Variants in CILP observed in about 807,000 individuals in gnomAD.
CILP encodes cartilage intermediate layer protein 1.
Under a neutral mutation model 82.5 loss-of-function variants are expected in CILP, and 75 were observed. The ratio of observed to expected loss-of-function variants is 0.91; its 90% CI spans 0.75 to 1.10. The LOEUF (loss-of-function observed/expected upper bound fraction) is 1.10, where lower values mean the gene tolerates loss of function less well. Among genes scored for constraint, CILP ranks in the 50% least tolerant of loss-of-function variants. CILP has a pLI of 0.00. For missense variants in CILP, 1,479 were observed against 1,530.8 expected (o/e 0.97, Z 0.56); for synonymous variants, 530 against 580.3 (o/e 0.91, Z 1.25).
Position 65,204,244 on chromosome 15 carries a change from C to T in CILP, c.919+24G>A, listed in dbSNP as rs1205570340. On this transcript the variant is annotated intron_variant, in intron 6 of 8. Transcript: ENST00000261883. ...TTAAAAATCTGGACCTTCTCACCAG[C>T]CCTACCCCAAAGAATTTAGTTACCT... The T allele has an allele frequency of 3.7e-6, 6 of 1,605,252 alleles. No homozygotes were observed. The Admixed American group carries it at 1.0e-4, about 28-fold the overall frequency.
At position 65,196,741 on chromosome 15, in the gene CILP, A is replaced by G. The variant is rs1271708261; in HGVS notation, c.3545T>C (p.Leu1182Pro). ...LRFPRVAQQP[L>P]IN ...GAAGTACCACAAAACTTAGTTGATCAGGGGCTGTTGAGCAACTCTAGGAAA... is the reference window on the plus strand; with the variant it reads ...GAAGTACCACAAAACTTAGTTGATCGGGGGCTGTTGAGCAACTCTAGGAAA... Residue 1182 changes from leucine to proline, a missense_variant, in exon 9 of 9, where the codon CTG becomes CCG. Leu to Pro is a moderately conservative substitution (Grantham distance 98, BLOSUM62 -3). Transcript: ENST00000261883. 16 of 1,534,650 alleles carry G rather than the reference A, an allele frequency of 1.0e-5. No individual in the cohort carries two copies. Among genetic ancestry groups the G allele is most frequent in the Non-Finnish European group, 1.3e-5 (15 of 1,137,394 alleles).
intron 2 of CILP, among the ~76,000 whole-genome samples, chr15:65,207,998 A>G (rs2088536945): frequency 6.6e-6 from 1 of 152,218 alleles, no homozygotes; most frequent in South Asian, 2.1e-4. Flanking sequence ...GTCCTGGTGC[A>G]TTATTCAGGT....
In CILP at chr15:65,203,435, C is replaced by G; in HGVS notation, c.955G>C (p.Ala319Pro). Residue 319 changes from alanine to proline, a missense_variant, in exon 7 of 9, where the codon GCA (alanine) becomes CCA (proline). Physicochemically the swap from Ala to Pro is conservative, Grantham distance 27. Coordinates refer to ENST00000261883, the MANE Select transcript of CILP (RefSeq NM_003613.4). ...PYMVMNPETK[A>P]RRAGQSVSLC... ...GACACGCTCTGCCCAGCTCTCCGTG[C>G]TTTTGTCTCAGGGTTCATCACCATG... 1 of 1,612,886 alleles carries G rather than the reference C, an allele frequency of 6.2e-7. No individual in the cohort carries two copies.
intron 1 of CILP, 106 bp from the exon 2 acceptor site, chr15:65,209,967 A>G (rs977081097): frequency 3.7e-6 from 2 of 537,784 alleles, no homozygotes. Flanking sequence ...GGACAGAATG[A>G]TATGAAAGTG....
chr15:65,199,194 C>A (rs2088421293), intron 8 of CILP, 95 bp from the exon 9 acceptor site: 9 of 840,518 alleles, frequency 1.1e-5, no homozygotes, highest in Admixed American at 5.6e-5. Context: ...CTATGGTTTT[C>A]AAAGGACTTG....
At position 65,198,333 on chromosome 15, in the gene CILP, A is replaced by G. The variant is rs773581930; in HGVS notation, c.1953T>C (p.Thr651=). The G allele has an allele frequency of 1.9e-6, 3 of 1,614,208 alleles. No individual in the cohort carries two copies. Among genetic ancestry groups the G allele is most frequent in the South Asian group, 1.1e-5 (1 of 91,076 alleles). ...DLNFINDEGD[T]FPLRTYGMFS... ...ACATGCCATACGTCCGAAGGGGGAA[A>G]GTGTCTCCTTCGTCATTGATGAAGT... Residue 651 remains threonine, a synonymous_variant, in exon 9 of 9, where the codon ACT becomes ACC. Coordinates refer to ENST00000261883, the MANE Select transcript of CILP (RefSeq NM_003613.4).
rs201490617 is a variant in CILP at position 65,198,234 on chromosome 15, C to T, written c.2052G>A (p.Ser684=). 15 of 1,614,104 alleles carry T rather than the reference C, an allele frequency of 9.3e-6. No individual in the cohort carries two copies. Among genetic ancestry groups the T allele is most frequent in the African/African-American group, 1.3e-5 (1 of 74,934 alleles). The change falls in exon 9 of 9, where the codon TCG becomes TCA. Residue 684 remains serine (S), a synonymous_variant. Transcript: ENST00000261883. ...NAGKVKVHLD[S]TQVKMPEHIS... ...TGTGCTCTGGCATCTTGACCTGGGT[C>T]GAGTCAAGGTGGACCTTCACTTTGC...
Position 65,196,736 on chromosome 15 carries a change from T to C in CILP, c.3550A>G (p.Asn1184Asp). The C allele has an allele frequency of 1.3e-6, 2 of 1,525,130 alleles. No homozygotes were observed. Among genetic ancestry groups the C allele is most frequent in the Non-Finnish European group, 1.8e-6 (2 of 1,133,532 alleles). 94.5% of individuals were successfully genotyped at this position (1,525,130 alleles called of 1,614,324 possible). ...AGGGTGAAGTACCACAAAACTTAGTTGATCAGGGGCTGTTGAGCAACTCTA... is the reference window on the plus strand; with the variant it reads ...AGGGTGAAGTACCACAAAACTTAGTCGATCAGGGGCTGTTGAGCAACTCTA... The part of the protein sequence containing the change: ...FPRVAQQPLI[N>D] The change falls in exon 9 of 9, where the codon AAC becomes GAC. Residue 1184 changes from asparagine to aspartate, a missense_variant. Physicochemically the swap from Asn to Asp is conservative, Grantham distance 23. Coordinates refer to ENST00000261883, the MANE Select transcript of CILP (RefSeq NM_003613.4).
chr15:65,196,964 T>G lies in CILP; in HGVS notation c.3322A>C (p.Lys1108Gln). ...GTGAGGGCTACTCCCACATTGCTCT[T>G]CATGATTCTGGAGGAGCCATCGGAT... ...GTSDGSSRIM[K>Q]SNVGVALTFN... is the part of the protein sequence containing the mutation. The change falls in exon 9 of 9, where the codon AAG becomes CAG. Residue 1108 changes from lysine to glutamine, a missense_variant. Physicochemically the swap from Lys to Gln is moderately conservative, Grantham distance 53. Coordinates refer to ENST00000261883, the MANE Select transcript of CILP (RefSeq NM_003613.4). 1 of 1,614,034 alleles carries G rather than the reference T, an allele frequency of 6.2e-7. No homozygotes were observed. The highest frequency in any genetic ancestry group is 8.5e-7 in the Non-Finnish European group (1 of 1,179,968).
rs144708870 is a variant in CILP at position 65,210,823 on chromosome 15, G to A, written c.-107+605C>T. 9.5e-3 allele frequency among the ~76,000 whole-genome samples: 1,448 copies of A among 152,242 alleles called. 6 individuals are homozygous for A. The highest frequency in any genetic ancestry group is 0.013 in the Non-Finnish European group (904 of 68,006). On this transcript the variant is annotated intron_variant, in intron 1 of 8. Transcript: ENST00000261883. ...CAGACCTTCTAGCTCTAAAACCACT[G>A]GCCCCACCACTACCTGTTTCTCGGA...
chr15:65,194,878 TC>T lies in CILP; in HGVS notation c.*1852del, dbSNP rs1203200641. On this transcript the variant is annotated 3_prime_UTR_variant, in exon 9 of 9. Transcript: ENST00000261883. Reference sequence around the variant, plus strand: ...ACCCACCCCCCCCCGACCCTCCCCCTCCCCCCGTGAGTTTGAAGTGAACTGG... The same window carrying T: ...ACCCACCCCCCCCCGACCCTCCCCCTCCCCCGTGAGTTTGAAGTGAACTGG... The T allele has an allele frequency of 3.4e-5, 1 of 29,690 alleles. No homozygotes were observed. The highest frequency in any genetic ancestry group is 1.3e-3 in the East Asian group (1 of 778). 1.8% of individuals were successfully genotyped at this position (29,690 alleles called of 1,614,324 possible). A position where few individuals can be genotyped will look rare whatever the true frequency, so the allele number is the denominator to read the frequency against.
chr15:65,206,837 C>G lies in CILP; in HGVS notation c.369G>C (p.Glu123Asp). The G allele has an allele frequency of 6.2e-7, 1 of 1,614,054 alleles. No homozygotes were observed. ...PREGFWCLNR[E>D]QRPGQNCSNY... ...TAGAGCAGTTCTGGCCAGGCCGCTG[C>G]TCCCTGTTGAGGCACCAGAAACCCT... Residue 123 changes from glutamate (E) to aspartate (D), a missense_variant, in exon 4 of 9, where the codon GAG becomes GAC. Transcript: ENST00000261883.
chr15:65,206,162 C>T (rs976400630), intron 4 of CILP, among the ~76,000 whole-genome samples: 2 of 152,190 alleles, frequency 1.3e-5, no homozygotes, highest in African/African-American at 2.4e-5. Context: ...GCTATGGAAT[C>T]GTGAGAAGTT....
rs1156603288 is a variant in CILP, at chr15:65,197,337, C to A, written c.2949G>T (p.Lys983Asn). Residue 983 changes from lysine (K) to asparagine (N), a missense_variant, in exon 9 of 9, where the codon AAG (lysine) becomes AAT (asparagine). Transcript: ENST00000261883. Reference protein sequence around the residue: ...MGGTHRQTVGKLYGIRDVRST... With the variant: ...MGGTHRQTVGNLYGIRDVRST... Reference sequence around the variant, plus strand: ...TCCTCACATCTCGGATTCCATACAGCTTCCCCACTGTCTGCCGATGAGTGC... The same window carrying A: ...TCCTCACATCTCGGATTCCATACAGATTCCCCACTGTCTGCCGATGAGTGC... The A allele has an allele frequency of 6.2e-7, 1 of 1,614,186 alleles. No homozygotes were observed. Among genetic ancestry groups the A allele is most frequent in the Admixed American group, 1.7e-5 (1 of 60,022 alleles).
chr15:65,198,231 GGTCGA>G lies in CILP; in HGVS notation c.2050_2054del (p.Ser684ProfsTer28), dbSNP rs763243565. 1.2e-6 allele frequency: 2 copies of G among 1,614,228 alleles called. No individual in the cohort carries two copies. The highest frequency in any genetic ancestry group is 1.1e-5 in the South Asian group (1 of 91,088). ...ATATGTGCTCTGGCATCTTGACCTG[GGTCGA>G]GTCAAGGTGGACCTTCACTTTGCCA... On this transcript the variant is annotated frameshift_variant, in exon 9 of 9. Transcript: ENST00000261883. LOFTEE classifies it high-confidence loss of function.
rs751541530 is a variant in CILP at position 65,196,938 on chromosome 15, G to C, written c.3348C>G (p.Thr1116=). Reference sequence around the variant, plus strand: ...CTACTTGCCTCTCTACACAGTTGAAGGTGAGGGCTACTCCCACATTGCTCT... The same window carrying C: ...CTACTTGCCTCTCTACACAGTTGAACGTGAGGGCTACTCCCACATTGCTCT... ...IMKSNVGVAL[T]FNCVERQVGR... is the part of the protein sequence containing the mutation. The change falls in exon 9 of 9, where the codon ACC becomes ACG. Residue 1116 remains threonine, a synonymous_variant. Transcript: ENST00000261883. The C allele has an allele frequency of 5.6e-6, 9 of 1,613,606 alleles. No homozygotes were observed. The East Asian group carries it at 2.0e-4, about 36-fold the overall frequency.
chr15:65,198,442 G>T lies in CILP; in HGVS notation c.1844C>A (p.Pro615His). 1.2e-6 allele frequency: 2 copies of T among 1,614,220 alleles called. No individual in the cohort carries two copies. Among genetic ancestry groups the T allele is most frequent in the Non-Finnish European group, 1.7e-6 (2 of 1,180,032 alleles). The change falls in exon 9 of 9, where the codon CCC (proline) becomes CAC (histidine). Residue 615 changes from proline to histidine, a missense_variant. By Grantham distance (77) the Pro-to-His change is moderately conservative (BLOSUM62 -2). Transcript: ENST00000261883. ...ACTGGCCTTCACTTTTCCTATGTAGGGCTCCCCATTCTGCCTGTAGAAACT... is the reference window on the plus strand; with the variant it reads ...ACTGGCCTTCACTTTTCCTATGTAGTGCTCCCCATTCTGCCTGTAGAAACT... ...SRSFYRQNGE[P>H]YIGKVKASVT...
chr15:65,197,550 G>C lies in CILP; in HGVS notation c.2736C>G (p.Phe912Leu). ...GATCCCCCTCAATCTGGTAGAACCG[G>C]AAGTGGGCTGCACTGGGTGGTGCCT... The part of the protein sequence containing the change: ...CEEAPPSAAH[F>L]RFYQIEGDRY... Residue 912 changes from phenylalanine to leucine, a missense_variant, in exon 9 of 9, where the codon TTC (phenylalanine) becomes TTG (leucine). Phe to Leu is a conservative substitution (Grantham distance 22, BLOSUM62 0). Coordinates refer to ENST00000261883, the MANE Select transcript of CILP (RefSeq NM_003613.4). 1 of 1,614,246 alleles carries C rather than the reference G, an allele frequency of 6.2e-7. No individual in the cohort carries two copies. Among genetic ancestry groups the C allele is most frequent in the Non-Finnish European group, 8.5e-7 (1 of 1,180,050 alleles).
rs201107273 is a variant in CILP, at chr15:65,203,422, C to G, written c.968G>C (p.Gly323Ala). ...MNPETKARRA[G>A]QSVSLCCKAT... Reference sequence around the variant, plus strand: ...CTTACAGCACAGAGACACGCTCTGCCCAGCTCTCCGTGCTTTTGTCTCAGG... The same window carrying G: ...CTTACAGCACAGAGACACGCTCTGCGCAGCTCTCCGTGCTTTTGTCTCAGG... Residue 323 changes from glycine (G) to alanine (A), a missense_variant, in exon 7 of 9, where the codon GGG (glycine) becomes GCG (alanine). Gly to Ala is a moderately conservative substitution (Grantham distance 60). Transcript: ENST00000261883. 1.2e-5 allele frequency: 20 copies of G among 1,612,982 alleles called. No individual in the cohort carries two copies. Among genetic ancestry groups the G allele is most frequent in the Non-Finnish European group, 1.7e-5 (20 of 1,179,948 alleles).
Sources: allele counts gnomAD v4.1 joint callset (sites outside exome capture counted in the v4.1 genomes callset), GRCh38; gene constraint gnomAD v4.1.1; transcripts MANE v1.5; gene names NCBI Gene and HGNC (gene_info 2026-07-23, HGNC 2026-07-21).